The following STX16 variants were observed in gnomAD, a reference collection of about 807,000 sequenced individuals.
STX16 encodes the protein syntaxin 16.
A neutral mutation model predicts 42.7 loss-of-function variants in STX16; 28 were observed. The ratio of observed to expected loss-of-function variants is 0.66; its 90% CI spans 0.49 to 0.90. STX16 has a LOEUF of 0.90. Among genes scored for constraint, STX16 ranks in the 40% least tolerant of loss-of-function variants. STX16 has a pLI of 0.00. For synonymous variants in STX16, 156 were observed against 155.2 expected (o/e 1.00, Z -0.04); for missense variants, 361 against 420.9 (o/e 0.86, Z 1.24).
intron 7 of STX16, among the ~76,000 whole-genome samples, chr20:58,671,574 C>G (rs1262122081): frequency 1.3e-5 from 2 of 151,710 alleles, no homozygotes; most frequent in African/African-American, 4.9e-5. Flanking sequence ...CTCCTGGGTG[C>G]TAATTATCAG....
In STX16 at chr20:58,668,283, C is replaced by T. The variant is rs73302103; in HGVS notation, c.393+156C>T. On this transcript the variant is annotated intron_variant, in intron 4 of 8. Transcript: ENST00000371141. ...GGCCCTGAAGTCCTCCAGCTGTCAGCGTAGGTACCTGTGAGGCCTTGGAGG... is the reference window on the plus strand; with the variant it reads ...GGCCCTGAAGTCCTCCAGCTGTCAGTGTAGGTACCTGTGAGGCCTTGGAGG... Among the ~76,000 whole-genome samples the T allele has an allele frequency of 0.034, 5,234 of 152,290 alleles. 312 individuals carry two copies. Among genetic ancestry groups the T allele is most frequent in the African/African-American group, 0.12 (4,923 of 41,542 alleles).
At chr20:58,669,710 T>C (rs1402536411) in intron 5 of STX16, among the ~76,000 whole-genome samples, 1 of 152,192 alleles carries the variant, frequency 6.6e-6, no homozygotes, top group Non-Finnish European at 1.5e-5. Context: ...AAATTTGTTT[T>C]GTGTCAAGCT....
chr20:58,664,638 A>G (rs375889085), intron 2 of STX16, among the ~76,000 whole-genome samples: 1 of 152,250 alleles, frequency 6.6e-6, no homozygotes, highest in African/African-American at 2.4e-5. Context: ...GAACACATGC[A>G]TAAAATCAAG....
At chr20:58,675,640 T>A (rs1255573674) in intron 8 of STX16, among the ~76,000 whole-genome samples, 2 of 152,182 alleles carry the variant, frequency 1.3e-5, no homozygotes, top group Non-Finnish European at 2.9e-5. Context: ...GCATATGACA[T>A]CCATGGGGCA....
At chr20:58,666,331 A>G (rs967605015) in intron 2 of STX16, among the ~76,000 whole-genome samples, 4 of 152,128 alleles carry the variant, frequency 2.6e-5, no homozygotes, top group African/African-American at 9.7e-5. Context: ...GGGCACCTCA[A>G]AATCTTTTCA....
chr20:58,654,310 G>T (rs1389709354), intron 1 of STX16, among the ~76,000 whole-genome samples: 2 of 152,062 alleles, frequency 1.3e-5, no homozygotes, highest in Non-Finnish European at 2.9e-5. Context: ...AACATAGTTT[G>T]CCTGAATTCA....
At chr20:58,675,935 G>A (rs1173516182) in intron 8 of STX16, among the ~76,000 whole-genome samples, 1 of 152,230 alleles carries the variant, frequency 6.6e-6, no homozygotes, top group Admixed American at 6.5e-5. Context: ...GTCAGGCTTT[G>A]TCTTAGTAGT....
intron 7 of STX16, 68 bp downstream of exon 7, chr20:58,671,365 A>C: frequency 6.8e-7 from 1 of 1,473,998 alleles, no homozygotes; most frequent in Non-Finnish European, 9.0e-7. Context: ...TTTTTCCTGT[A>C]CTCCTTTCAG....
chr20:58,658,895 T>TTA, intron 1 of STX16, among the ~76,000 whole-genome samples: 1 of 152,364 alleles, frequency 6.6e-6, no homozygotes, highest in East Asian at 1.9e-4. Context: ...TGCTTGCTTT[T>TTA]ATAAGAGCCT....
chr20:58,659,033 G>C lies in STX16; in HGVS notation c.133-590G>C, dbSNP rs574357532. On this transcript the variant is annotated intron_variant, in intron 1 of 8. Transcript: ENST00000371141. ...GTTTCTCAGCTCTCTTACTACCAGG[G>C]ATGAAGCCGTGTCTGCGGGATGTAA... Among the ~76,000 whole-genome samples, 3 of 152,012 alleles carry C rather than the reference G, an allele frequency of 2.0e-5. No individual in the cohort carries two copies. In the South Asian group the frequency reaches 6.2e-4, roughly 32 times the overall value.
chr20:58,670,424 G>A (rs1217592928), intron 5 of STX16, 88 bp from the exon 6 acceptor site: 2 of 1,059,450 alleles, frequency 1.9e-6, no homozygotes, highest in African/African-American at 1.6e-5. Flanking sequence ...GACTGTTGGA[G>A]TTTACTCTAG....
At chr20:58,671,849 T>C (rs1449670104) in intron 7 of STX16, among the ~76,000 whole-genome samples, 1 of 152,148 alleles carries the variant, frequency 6.6e-6, no homozygotes, top group Non-Finnish European at 1.5e-5. Flanking sequence ...TTTGAAACTT[T>C]TTTTTGAGTG....
intron 1 of STX16, among the ~76,000 whole-genome samples, chr20:58,654,145 A>G (rs966931677): frequency 1.3e-5 from 2 of 152,164 alleles, no homozygotes; most frequent in Non-Finnish European, 2.9e-5. Flanking sequence ...GAACGTTAAA[A>G]AATGTTTTCT....
At chr20:58,656,189 T>C (rs2083582441) in intron 1 of STX16, among the ~76,000 whole-genome samples, 1 of 152,246 alleles carries the variant, frequency 6.6e-6, no homozygotes, top group East Asian at 1.9e-4. Context: ...CCAGCAGCCC[T>C]ATCGATTCAA....
chr20:58,658,184 G>A (rs1044550931), intron 1 of STX16, among the ~76,000 whole-genome samples: 4 of 152,136 alleles, frequency 2.6e-5, no homozygotes, highest in Admixed American at 6.5e-5. Flanking sequence ...ATAGTACATC[G>A]TTCAAAGATT....
At chr20:58,661,556 T>C (rs1568817578) in intron 2 of STX16, among the ~76,000 whole-genome samples, 2 of 152,262 alleles carry the variant, frequency 1.3e-5, no homozygotes, top group Admixed American at 6.5e-5. Flanking sequence ...TTGCCTCTTT[T>C]GCTCTTTTGT....
chr20:58,674,627 C>G (rs1319554822), intron 8 of STX16, among the ~76,000 whole-genome samples: 1 of 152,144 alleles, frequency 6.6e-6, no homozygotes, highest in Non-Finnish European at 1.5e-5. Context: ...ACCAGAAGCC[C>G]TGAGCTGTCT....
intron 1 of STX16, 45 bp downstream of exon 1, chr20:58,652,183 G>C: frequency 6.2e-7 from 1 of 1,610,248 alleles, no homozygotes; most frequent in Non-Finnish European, 8.5e-7. Context: ...CGTGTGCACT[G>C]CGGCTCTGCC....
chr20:58,652,657 T>G (rs1168286877), intron 1 of STX16, among the ~76,000 whole-genome samples: 1 of 152,102 alleles, frequency 6.6e-6, no homozygotes, highest in African/African-American at 2.4e-5. Context: ...CCGTTTTCTT[T>G]TAACGGCCCC....
Sources: allele counts gnomAD v4.1 joint callset (sites outside exome capture counted in the v4.1 genomes callset), GRCh38; gene constraint gnomAD v4.1.1; transcripts MANE v1.5; gene names NCBI Gene and HGNC (gene_info 2026-07-23, HGNC 2026-07-21).